The following RAB3GAP2 variants were observed in gnomAD, a reference collection of about 807,000 sequenced individuals.
The protein encoded by RAB3GAP2 is rab3 GTPase-activating protein non-catalytic subunit.
Under a neutral mutation model 185.3 loss-of-function variants are expected in RAB3GAP2, and 87 were observed. That is an observed-to-expected ratio of 0.47 (90% CI 0.39 to 0.56). RAB3GAP2 has a LOEUF of 0.56. RAB3GAP2 is among the 20% of genes least tolerant of loss of function. The pLI is 0.00. For synonymous variants in RAB3GAP2, 554 were observed against 576.1 expected, an observed-to-expected ratio of 0.96 and a Z score of 0.55; for missense variants, 1,492 against 1,638.2, an observed-to-expected ratio of 0.91 and a Z score of 1.54.
rs117263995 is a variant in RAB3GAP2 at position 220,204,530 on chromosome 1, G to C, written c.712+1377C>G. On this transcript the variant is annotated intron_variant, in intron 8 of 34. Coordinates refer to ENST00000358951, the MANE Select transcript of RAB3GAP2 (RefSeq NM_012414.4). ...TAAACTTTGTTTTGGGGCCATTAAG[G>C]CTCCTCTACTCAATCCCAAAAGAAA... 3.0e-3 allele frequency among the ~76,000 whole-genome samples: 454 copies of C among 152,004 alleles called. 13 individuals are homozygous for C. In the East Asian group the frequency reaches 0.052, roughly 17 times the overall value.
chr1:220,239,644 G>C (rs1443241939), intron 1 of RAB3GAP2, among the ~76,000 whole-genome samples: 1 of 152,090 alleles, frequency 6.6e-6, no homozygotes, highest in Non-Finnish European at 1.5e-5. Flanking sequence ...CTTTAGTTTT[G>C]ATTATGAAAT....
chr1:220,161,641 A>G (rs1159783540), intron 28 of RAB3GAP2, among the ~76,000 whole-genome samples: 1 of 152,222 alleles, frequency 6.6e-6, no homozygotes, highest in Admixed American at 6.5e-5. Flanking sequence ...ATTTCCATGA[A>G]TGCTATGTTG....
intron 21 of RAB3GAP2, among the ~76,000 whole-genome samples, chr1:220,175,528 T>C (rs1213927208): frequency 1.3e-5 from 2 of 152,202 alleles, no homozygotes; most frequent in Non-Finnish European, 2.9e-5. Context: ...GAATACCAGA[T>C]TTCTAAACAT....
intron 33 of RAB3GAP2, among the ~76,000 whole-genome samples, chr1:220,152,860 T>C (rs1320149972): frequency 6.6e-6 from 1 of 152,134 alleles, no homozygotes; most frequent in Non-Finnish European, 1.5e-5. Flanking sequence ...CCGGCCCTCT[T>C]TATTTTCTTC....
At chr1:220,247,421 C>T (rs886521165) in intron 1 of RAB3GAP2, among the ~76,000 whole-genome samples, 31 of 152,140 alleles carry the variant, frequency 2.0e-4, no homozygotes, top group African/African-American at 7.5e-4. Context: ...TATCACTCAG[C>T]TATATTAAGG....
At chr1:220,190,347 C>T (rs371409512) in intron 15 of RAB3GAP2, 30 bp downstream of exon 15, 15 of 1,613,696 alleles carry the variant, frequency 9.3e-6, no homozygotes, top group East Asian at 4.5e-5. Context: ...AGCAGAGGAG[C>T]GTCAATCAGC....
chr1:220,267,474 A>G, intron 1 of RAB3GAP2: 1 of 1,404,962 alleles, frequency 7.1e-7, no homozygotes, highest in Non-Finnish European at 1.0e-6. Flanking sequence ...CTCTTGCCAA[A>G]TAAACATTAC....
At chr1:220,164,857 A>G in intron 26 of RAB3GAP2, 58 bp from the exon 27 acceptor site, 2 of 1,502,746 alleles carry the variant, frequency 1.3e-6, no homozygotes, top group Non-Finnish European at 1.8e-6. Flanking sequence ...AATAGGTTTT[A>G]CCATTATCAA....
chr1:220,176,905 C>A (rs1055518540), intron 21 of RAB3GAP2, among the ~76,000 whole-genome samples: 1 of 152,200 alleles, frequency 6.6e-6, no homozygotes, highest in African/African-American at 2.4e-5. Context: ...TCAAGCCCCT[C>A]CTGTTGCAGT....
At chr1:220,174,779 A>G (rs1462870960) in intron 21 of RAB3GAP2, among the ~76,000 whole-genome samples, 1 of 152,236 alleles carries the variant, frequency 6.6e-6, no homozygotes, top group African/African-American at 2.4e-5. Flanking sequence ...AGATACATAT[A>G]TCGTACTTTT....
chr1:220,263,630 T>C (rs1660179607), intron 1 of RAB3GAP2, among the ~76,000 whole-genome samples: 1 of 152,150 alleles, frequency 6.6e-6, no homozygotes, highest in Non-Finnish European at 1.5e-5. Flanking sequence ...CAGCTATCTA[T>C]TCCATTCCAT....
chr1:220,169,870 T>C (rs545408690), intron 24 of RAB3GAP2, among the ~76,000 whole-genome samples: 1 of 152,344 alleles, frequency 6.6e-6, no homozygotes, highest in Admixed American at 6.5e-5. Context: ...GATTACATGC[T>C]AATATTTTAT....
chr1:220,229,675 C>T (rs751391475), intron 2 of RAB3GAP2, among the ~76,000 whole-genome samples: 1 of 152,166 alleles, frequency 6.6e-6, no homozygotes, highest in Non-Finnish European at 1.5e-5. Flanking sequence ...ACAGAAAAAG[C>T]CAAGTATGTA....
intron 1 of RAB3GAP2, chr1:220,267,838 C>G (rs977258469): frequency 8.6e-7 from 1 of 1,169,460 alleles, no homozygotes; most frequent in Non-Finnish European, 1.3e-6. Context: ...TGCTGAGTCA[C>G]GAGAACATGT....
At chr1:220,212,382 T>A (rs965277362) in intron 4 of RAB3GAP2, among the ~76,000 whole-genome samples, 1 of 152,254 alleles carries the variant, frequency 6.6e-6, no homozygotes, top group Non-Finnish European at 1.5e-5. Flanking sequence ...TTTAAAAACA[T>A]AATTACACGA....
At chr1:220,162,789 G>A (rs1657986029) in intron 27 of RAB3GAP2, among the ~76,000 whole-genome samples, 1 of 152,124 alleles carries the variant, frequency 6.6e-6, no homozygotes, top group African/African-American at 2.4e-5. Flanking sequence ...ATATGTATGA[G>A]ATTGTTGGGA....
chr1:220,191,250 A>G lies in RAB3GAP2; in HGVS notation c.1305T>C (p.Thr435=), dbSNP rs1658613687. 6.3e-7 allele frequency: 1 copy of G among 1,598,838 alleles called. No homozygotes were observed. Among genetic ancestry groups the G allele is most frequent in the African/African-American group, 1.4e-5 (1 of 73,908 alleles). ...GCACTCTTTCATGGAGGTCCTCTAC[A>G]GTTTGAATCCATCCAATTTGTGCGT... is the stretch of plus-strand genomic sequence containing the variant. ...YRDAQIGWIQ[T]VEDLHERVPE... is the part of the protein sequence containing the mutation. The change falls in exon 14 of 35, where the codon ACT becomes ACC. Residue 435 remains threonine (T), a synonymous_variant. Transcript: ENST00000358951.
intron 2 of RAB3GAP2, among the ~76,000 whole-genome samples, chr1:220,217,306 A>C (rs562920887): frequency 2.4e-4 from 37 of 152,102 alleles, no homozygotes; most frequent in Non-Finnish European, 4.4e-4. Context: ...ATTCCGGCCT[A>C]ATCTTTCTGT....
chr1:220,221,082 G>A (rs1371191168), intron 2 of RAB3GAP2, among the ~76,000 whole-genome samples: 5 of 152,152 alleles, frequency 3.3e-5, no homozygotes, highest in Admixed American at 6.5e-5. Context: ...GCTTCTCACA[G>A]ACATATTAGT....
Sources: allele counts gnomAD v4.1 joint callset (sites outside exome capture counted in the v4.1 genomes callset), GRCh38; gene constraint gnomAD v4.1.1; transcripts MANE v1.5; gene names NCBI Gene and HGNC (gene_info 2026-07-23, HGNC 2026-07-21).